Variants in SEPTIN9 observed in about 807,000 individuals in gnomAD.
The protein encoded by SEPTIN9 is septin-9.
SEPTIN9 carries 13 observed loss-of-function variants against 56.6 expected under a neutral mutation model. That is an observed-to-expected ratio of 0.23 (90% confidence interval 0.15 to 0.37). SEPTIN9 has a LOEUF of 0.37. Ranked by LOEUF, SEPTIN9 falls within the 10% of genes least tolerant of loss-of-function variation. The probability of loss-of-function intolerance (pLI) is 1.00; values close to 1 mark genes in which losing one functional copy is unlikely to be tolerated. For missense variants in SEPTIN9, 650 were observed against 823.1 expected (o/e 0.79, Z 2.57); for synonymous variants, 332 against 334.1 (o/e 0.99, Z 0.07).
At chr17:77,321,132 C>T (rs1037125857) in intron 2 of SEPTIN9, among the ~76,000 whole-genome samples, 8 of 152,212 alleles carry the variant, frequency 5.3e-5, no homozygotes, top group Admixed American at 2.6e-4. Flanking sequence ...CAGTTTCTGC[C>T]GCTCATGCCG....
Position 77,451,412 on chromosome 17 carries a change from C to T in SEPTIN9, c.722-30732C>T. ...CCTCTGCCCCGCGCTCTGGGAGGCT[C>T]CTTGTTCCGCGACCACAAAGCCCCT... is the stretch of plus-strand genomic sequence containing the variant. On this transcript the variant is annotated intron_variant, in intron 3 of 11. Coordinates refer to ENST00000427177, the MANE Select transcript of SEPTIN9 (RefSeq NM_001113491.2). The surrounding 1 kb of genome is among the most constrained non-coding windows in gnomAD (Gnocchi z 4.2). 1 of 985,684 alleles carries T rather than the reference C, an allele frequency of 1.0e-6. No homozygotes were observed. The highest frequency in any genetic ancestry group is 1.1e-4 in the East Asian group (1 of 8,816). 61.1% of individuals were successfully genotyped at this position (985,684 alleles called of 1,614,324 possible). A position where few individuals can be genotyped will look rare whatever the true frequency, so the allele number is the denominator to read the frequency against.
intron 3 of SEPTIN9, among the ~76,000 whole-genome samples, chr17:77,465,052 T>A (rs2038655047): frequency 6.6e-6 from 1 of 152,222 alleles, no homozygotes; most frequent in Admixed American, 6.5e-5. Flanking sequence ...TCTCTATGAA[T>A]TCACCTGTTC....
chr17:77,307,634 C>T (rs1362246273), intron 2 of SEPTIN9, among the ~76,000 whole-genome samples: 5 of 152,036 alleles, frequency 3.3e-5, no homozygotes, highest in South Asian at 2.1e-4. Flanking sequence ...AGAGCAGATA[C>T]GTCCGGTGTT....
In SEPTIN9 at chr17:77,476,753, G is replaced by A. The variant is rs1411137654; in HGVS notation, c.722-5391G>A. Among the ~76,000 whole-genome samples the A allele has an allele frequency of 6.6e-6, 1 of 152,212 alleles. No individual in the cohort carries two copies. The highest frequency in any genetic ancestry group is 6.5e-5 in the Admixed American group (1 of 15,286). On this transcript the variant is annotated intron_variant, in intron 3 of 11. Coordinates refer to ENST00000427177, the MANE Select transcript of SEPTIN9 (RefSeq NM_001113491.2). This position sits in a 1 kb window ranked among gnomAD's most constrained non-coding sequence, Gnocchi z 6.0. ...TCCCGCCACCTGACACCTCCGCCTGGCTGCCACCCTAGAAACACCCTTGCT... is the reference window on the plus strand; with the variant it reads ...TCCCGCCACCTGACACCTCCGCCTGACTGCCACCCTAGAAACACCCTTGCT...
intron 2 of SEPTIN9, among the ~76,000 whole-genome samples, chr17:77,308,288 G>T (rs1374731769): frequency 6.6e-6 from 1 of 152,236 alleles, no homozygotes; most frequent in Non-Finnish European, 1.5e-5. Context: ...CGGACCCGGA[G>T]TCAAATCCAC....
chr17:77,451,589 G>T lies in SEPTIN9; in HGVS notation c.722-30555G>T, dbSNP rs2037973219. 1 of 979,826 alleles carries T rather than the reference G, an allele frequency of 1.0e-6. No individual in the cohort carries two copies. The highest frequency in any genetic ancestry group is 1.7e-5 in the African/African-American group (1 of 57,256). The allele number at this position is 979,826 out of a possible 1,614,324, so 60.7% of individuals were successfully genotyped here. A position where few individuals can be genotyped will look rare whatever the true frequency, so the allele number is the denominator to read the frequency against. Reference sequence around the variant, plus strand: ...CCACTGGCTCGGGGGCTCTCAGGTGGCGCGGCCGCGAGGCGGACCCTGATG... The same window carrying T: ...CCACTGGCTCGGGGGCTCTCAGGTGTCGCGGCCGCGAGGCGGACCCTGATG... On this transcript the variant is annotated intron_variant, in intron 3 of 11. Coordinates refer to ENST00000427177, the MANE Select transcript of SEPTIN9 (RefSeq NM_001113491.2). This position sits in a 1 kb window ranked among gnomAD's most constrained non-coding sequence, Gnocchi z 4.2.
intron 3 of SEPTIN9, among the ~76,000 whole-genome samples, chr17:77,411,862 G>A (rs557370513): frequency 6.6e-6 from 1 of 152,134 alleles, no homozygotes; most frequent in Admixed American, 6.5e-5. Context: ...GGGCACAGTG[G>A]CTCACACCTG....
At position 77,425,858 on chromosome 17, in the gene SEPTIN9, C is replaced by G. The variant is rs902479605; in HGVS notation, c.721+23155C>G. Among the ~76,000 whole-genome samples the G allele has an allele frequency of 2.0e-5, 3 of 152,224 alleles. No individual in the cohort carries two copies. The highest frequency in any genetic ancestry group is 7.2e-5 in the African/African-American group (3 of 41,464). ...CTGTGTCTGACCCTGGTTGTGCGGTCTTGGACAGTCCCAGCCCTCCTGGAG... is the reference window on the plus strand; with the variant it reads ...CTGTGTCTGACCCTGGTTGTGCGGTGTTGGACAGTCCCAGCCCTCCTGGAG... On this transcript the variant is annotated intron_variant, in intron 3 of 11. Transcript: ENST00000427177. This position sits in a 1 kb window ranked among gnomAD's most constrained non-coding sequence, Gnocchi z 4.2.
chr17:77,287,121 G>A (rs548896996), intron 1 of SEPTIN9, among the ~76,000 whole-genome samples: 13 of 152,350 alleles, frequency 8.5e-5, no homozygotes, highest in African/African-American at 3.1e-4. Flanking sequence ...AGCCAGGCAG[G>A]CCTGACGGCA....
chr17:77,314,579 GA>G (rs1473764276), intron 2 of SEPTIN9, among the ~76,000 whole-genome samples: 6 of 152,114 alleles, frequency 3.9e-5, no homozygotes, highest in Admixed American at 3.3e-4. Flanking sequence ...TAGGTGAGGG[GA>G]CATGGAAGAT....
At position 77,329,413 on chromosome 17, in the gene SEPTIN9, G is replaced by T. The variant is rs185143086; in HGVS notation, c.76+22216G>T. ...CCTTGCACTGCCCTGTGCTGCCCTGGTGGCTGCCGGCTTTAGGAGGAGCGC... is the reference window on the plus strand; with the variant it reads ...CCTTGCACTGCCCTGTGCTGCCCTGTTGGCTGCCGGCTTTAGGAGGAGCGC... On this transcript the variant is annotated intron_variant, in intron 2 of 11. Coordinates refer to ENST00000427177, the MANE Select transcript of SEPTIN9 (RefSeq NM_001113491.2). The surrounding 1 kb of genome is among the most constrained non-coding windows in gnomAD (Gnocchi z 4.3). Among the ~76,000 whole-genome samples the T allele has an allele frequency of 4.0e-3, 614 of 152,346 alleles. 2 individuals carry two copies. The highest frequency in any genetic ancestry group is 0.012 in the African/African-American group (487 of 41,592).
At chr17:77,431,854 A>T (rs1466115596) in intron 3 of SEPTIN9, among the ~76,000 whole-genome samples, 3 of 150,026 alleles carry the variant, frequency 2.0e-5, no homozygotes, top group Non-Finnish European at 4.4e-5. Flanking sequence ...AAAAAAAAAA[A>T]GTTGCCACGT....
chr17:77,427,356 G>T (rs538075739), intron 3 of SEPTIN9, among the ~76,000 whole-genome samples: 4 of 152,350 alleles, frequency 2.6e-5, no homozygotes, highest in African/African-American at 7.2e-5. Context: ...AAAGGACAAA[G>T]CTCTCTGAGG....
At chr17:77,403,311 A>G (rs943996610) in intron 3 of SEPTIN9, among the ~76,000 whole-genome samples, 2 of 152,198 alleles carry the variant, frequency 1.3e-5, no homozygotes, top group African/African-American at 4.8e-5. Context: ...CTTAGCCTGC[A>G]GGACAAAATT....
chr17:77,386,457 A>G (rs1461202157), intron 2 of SEPTIN9, among the ~76,000 whole-genome samples: 1 of 152,232 alleles, frequency 6.6e-6, no homozygotes, highest in East Asian at 1.9e-4. Context: ...GCCCACAGGC[A>G]GGTCAGAGGT....
In SEPTIN9 at chr17:77,372,868, C is replaced by T. The variant is rs4789450; in HGVS notation, c.77-29191C>T. ...AGGCCGGGATCCTGCCTGCCAGCCGCGTGCGCTGCCGTTTAACCCTTGCAG... is the reference window on the plus strand; with the variant it reads ...AGGCCGGGATCCTGCCTGCCAGCCGTGTGCGCTGCCGTTTAACCCTTGCAG... On this transcript the variant is annotated intron_variant, in intron 2 of 11. Coordinates refer to ENST00000427177, the MANE Select transcript of SEPTIN9 (RefSeq NM_001113491.2). 0.012 allele frequency among the ~76,000 whole-genome samples: 1,776 copies of T among 152,358 alleles called. 94 individuals carry two copies. In the East Asian group the frequency reaches 0.16, roughly 14 times the overall value.
chr17:77,413,810 A>G (rs1054300740), intron 3 of SEPTIN9, among the ~76,000 whole-genome samples: 7 of 151,192 alleles, frequency 4.6e-5, no homozygotes, highest in African/African-American at 1.7e-4. Flanking sequence ...CCAGAAAGAC[A>G]TGCGATTGAC....
Position 77,450,726 on chromosome 17 carries a change from G to A in SEPTIN9, c.722-31418G>A. 3 of 986,336 alleles carry A rather than the reference G, an allele frequency of 3.0e-6. No homozygotes were observed. Among genetic ancestry groups the A allele is most frequent in the Non-Finnish European group, 3.6e-6 (3 of 830,730 alleles). The allele number at this position is 986,336 out of a possible 1,614,324, so 61.1% of individuals were successfully genotyped here. On this transcript the variant is annotated intron_variant, in intron 3 of 11. Coordinates refer to ENST00000427177, the MANE Select transcript of SEPTIN9 (RefSeq NM_001113491.2). This position sits in a 1 kb window ranked among gnomAD's most constrained non-coding sequence, Gnocchi z 6.0. ...GCCAGGTCCCCCAGGGGCTGGAGAG[G>A]CTGGAGAGGCAGGAGCTGGATCAGA...
At chr17:77,370,379 G>C (rs312866) in intron 2 of SEPTIN9, among the ~76,000 whole-genome samples, 26,605 of 152,144 alleles carry the variant, frequency 0.17, 2,931 homozygotes, top group East Asian at 0.57. Context: ...CTGTGTCTCT[G>C]TACTTTCTTT....
Sources: gnomAD v4.1 joint callset for allele counts (sites outside exome capture counted in the v4.1 genomes callset) on GRCh38, gnomAD v4.1.1 for gene constraint, Gnocchi (gnomAD v3.1) non-coding constraint, MANE v1.5 for transcripts, NCBI Gene and HGNC (gene_info 2026-07-23, HGNC 2026-07-21) for gene names.